The following EPHB1 variants were observed in gnomAD, a reference collection of about 807,000 sequenced individuals.
EPHB1 encodes the protein EPH receptor B1, also known as ephrin type-B receptor 1.
Under a neutral mutation model 94.4 loss-of-function variants are expected in EPHB1, and 30 were observed. The observed-to-expected ratio is 0.32, with a 90% CI of 0.24 to 0.43. The LOEUF (loss-of-function observed/expected upper bound fraction) is 0.43. Ranked by LOEUF, EPHB1 falls within the 20% of genes least tolerant of loss-of-function variation. The pLI is 1.00. For synonymous variants in EPHB1, 522 were observed against 489.1 expected, an observed-to-expected ratio of 1.07 and a Z score of -0.89; for missense variants, 1,055 against 1,308.3, an observed-to-expected ratio of 0.81 and a Z score of 2.99.
chr3:135,191,911 G>A lies in EPHB1; in HGVS notation c.1883-665G>A, dbSNP rs113444443. Among the ~76,000 whole-genome samples, 6 of 152,326 alleles carry A rather than the reference G, an allele frequency of 3.9e-5. 1 individual carries two copies. The highest frequency in any genetic ancestry group is 1.4e-4 in the African/African-American group (6 of 41,580). Reference sequence around the variant, plus strand: ...TGACTGAGCATGGCAGGGATGTGAGGGCTGGGCTGCTTTTGCAATGGGAAC... The same window carrying A: ...TGACTGAGCATGGCAGGGATGTGAGAGCTGGGCTGCTTTTGCAATGGGAAC... On this transcript the variant is annotated intron_variant, in intron 10 of 15. Transcript: ENST00000398015.
At chr3:135,063,746 G>A (rs925195371) in intron 3 of EPHB1, among the ~76,000 whole-genome samples, 9 of 152,094 alleles carry the variant, frequency 5.9e-5, no homozygotes, top group Admixed American at 2.0e-4. Context: ...AGTGGTGAGA[G>A]TGGGCATCCT....
chr3:134,944,883 A>G (rs1305361835), intron 2 of EPHB1, among the ~76,000 whole-genome samples: 1 of 152,198 alleles, frequency 6.6e-6, no homozygotes, highest in African/African-American at 2.4e-5. Context: ...CTTTTCTTCC[A>G]TTTGTGTGTC....
At chr3:134,808,352 G>C (rs2036108190) in intron 1 of EPHB1, among the ~76,000 whole-genome samples, 1 of 152,130 alleles carries the variant, frequency 6.6e-6, no homozygotes, top group Non-Finnish European at 1.5e-5. Flanking sequence ...ACACTCATTG[G>C]CCAGGCTTGG....
chr3:135,252,384 G>A (rs1405611382), intron 15 of EPHB1, among the ~76,000 whole-genome samples: 1 of 100,690 alleles, frequency 9.9e-6, no homozygotes, highest in Non-Finnish European at 1.8e-5. Flanking sequence ...CCCCACCACA[G>A]TCCCCAGAGT....
At chr3:135,063,267 T>G (rs148945958) in intron 3 of EPHB1, among the ~76,000 whole-genome samples, 95 of 152,346 alleles carry the variant, frequency 6.2e-4, no homozygotes, top group African/African-American at 2.2e-3. Flanking sequence ...ATTTGTAGAT[T>G]GCCTTTGGCA....
At chr3:134,923,726 G>T (rs1323020903) in intron 1 of EPHB1, among the ~76,000 whole-genome samples, 2 of 152,144 alleles carry the variant, frequency 1.3e-5, no homozygotes, top group Non-Finnish European at 2.9e-5. Flanking sequence ...CTGCTCCTAG[G>T]ATGGGTTTCT....
intron 3 of EPHB1, among the ~76,000 whole-genome samples, chr3:134,961,041 T>C (rs1330018280): frequency 1.3e-5 from 2 of 152,202 alleles, no homozygotes; most frequent in South Asian, 4.1e-4. Flanking sequence ...TCCTTCCTCA[T>C]TCAAATTGGA....
intron 3 of EPHB1, among the ~76,000 whole-genome samples, chr3:135,080,290 C>A (rs1198902689): frequency 6.6e-6 from 1 of 152,018 alleles, no homozygotes; most frequent in Non-Finnish European, 1.5e-5. Context: ...GTAGAGTGTG[C>A]CCAAGGGCAA....
intron 1 of EPHB1, among the ~76,000 whole-genome samples, chr3:134,801,284 C>T (rs2035930584): frequency 6.6e-6 from 1 of 152,174 alleles, no homozygotes; most frequent in Non-Finnish European, 1.5e-5. Flanking sequence ...GAGACCTGTC[C>T]TGCAGCCTTT....
At chr3:134,904,375 C>T (rs770841026) in intron 1 of EPHB1, among the ~76,000 whole-genome samples, 40 of 152,164 alleles carry the variant, frequency 2.6e-4, no homozygotes, top group Non-Finnish European at 5.0e-4. Context: ...GGGACATAGT[C>T]GCTTTCATCT....
chr3:135,082,751 A>G (rs766442094), intron 3 of EPHB1, among the ~76,000 whole-genome samples: 22 of 152,218 alleles, frequency 1.4e-4, no homozygotes, highest in Non-Finnish European at 2.5e-4. Flanking sequence ...AGGGAAAAGT[A>G]AAAAAGAGCT....
rs144811381 is a variant in EPHB1 at position 134,856,535 on chromosome 3, G to A, written c.58+60846G>A. The stretch of plus-strand genomic sequence containing the variant: ...TTACTGTATATTTCTGCCTGCCATC[G>A]ATAGAGCTGGAGGCTGATGAACAAG... On this transcript the variant is annotated intron_variant, in intron 1 of 15. Transcript: ENST00000398015. Among the ~76,000 whole-genome samples, 435 of 152,282 alleles carry A rather than the reference G, an allele frequency of 2.9e-3. 2 individuals carry two copies. The highest frequency in any genetic ancestry group is 0.01 in the African/African-American group (420 of 41,550).
chr3:134,913,758 G>C (rs1578192325), intron 1 of EPHB1, among the ~76,000 whole-genome samples: 1 of 152,212 alleles, frequency 6.6e-6, no homozygotes, highest in Non-Finnish European at 1.5e-5. Flanking sequence ...TCAGTGGCTA[G>C]AGCCCCTTCA....
In EPHB1 at chr3:135,161,896, G is replaced by T; in HGVS notation, c.1423-122G>T. On this transcript the variant is annotated intron_variant, in intron 6 of 15. Coordinates refer to ENST00000398015, the MANE Select transcript of EPHB1 (RefSeq NM_004441.5). ...TCCAGAGGGATGGCCTGGAGCTGAT[G>T]ACAACTGCTAGCAGATATGCAGGAC... 3 of 1,097,610 alleles carry T rather than the reference G, an allele frequency of 2.7e-6. No homozygotes were observed. The African/African-American group carries it at 4.8e-5, about 18-fold the overall frequency. 68.0% of individuals were successfully genotyped at this position (1,097,610 alleles called of 1,614,324 possible). A position where few individuals can be genotyped will look rare whatever the true frequency, so the allele number is the denominator to read the frequency against.
intron 9 of EPHB1, among the ~76,000 whole-genome samples, chr3:135,168,401 A>T (rs1941708973): frequency 6.6e-6 from 1 of 152,088 alleles, no homozygotes; most frequent in Admixed American, 6.5e-5. Flanking sequence ...TCCCTGGGCC[A>T]CCCTGTTACT....
chr3:134,971,943 G>A (rs1387448766), intron 3 of EPHB1, among the ~76,000 whole-genome samples: 1 of 152,116 alleles, frequency 6.6e-6, no homozygotes, highest in East Asian at 1.9e-4. Flanking sequence ...GACCTGTGAG[G>A]GTGAGAGGAA....
intron 3 of EPHB1, among the ~76,000 whole-genome samples, chr3:135,023,657 C>T (rs1936049943): frequency 6.6e-6 from 1 of 152,140 alleles, no homozygotes; most frequent in East Asian, 1.9e-4. Context: ...TTGTGTGCCT[C>T]AGTTTATGTT....
At chr3:134,963,203 C>T (rs925186206) in intron 3 of EPHB1, among the ~76,000 whole-genome samples, 1 of 136,574 alleles carries the variant, frequency 7.3e-6, no homozygotes, top group African/African-American at 2.7e-5. Flanking sequence ...TTCTTCTGTA[C>T]TTTTGTTTTA....
intron 3 of EPHB1, among the ~76,000 whole-genome samples, chr3:135,102,709 C>T (rs1169344518): frequency 6.6e-6 from 1 of 152,254 alleles, no homozygotes; most frequent in Non-Finnish European, 1.5e-5. Context: ...TTTACAATAG[C>T]AAAGACTTGG....
Sources: gnomAD v4.1 joint callset for allele counts (sites outside exome capture counted in the v4.1 genomes callset) on GRCh38, gnomAD v4.1.1 for gene constraint, MANE v1.5 for transcripts, NCBI Gene and HGNC (gene_info 2026-07-23, HGNC 2026-07-21) for gene names.